Variants in FBXO36 observed in about 807,000 individuals in gnomAD.
FBXO36 encodes F-box only protein 36.
A neutral mutation model predicts 17.0 loss-of-function variants in FBXO36; 18 were observed. That is an observed-to-expected ratio of 1.06 (90% CI 0.73 to 1.57). The LOEUF (loss-of-function observed/expected upper bound fraction) is 1.57, where lower values mean the gene tolerates loss of function less well. Among genes scored for constraint, FBXO36 ranks in the 40% most tolerant of loss-of-function variants. The probability of loss-of-function intolerance (pLI) is 0.00; values close to 1 mark genes in which losing one functional copy is unlikely to be tolerated. For synonymous variants in FBXO36, 83 were observed against 85.3 expected, an observed-to-expected ratio of 0.97 and a Z score of 0.15; for missense variants, 229 against 221.9, an observed-to-expected ratio of 1.03 and a Z score of -0.20.
intron 2 of FBXO36, among the ~76,000 whole-genome samples, chr2:229,982,010 G>A (rs1345433608): frequency 6.6e-6 from 1 of 151,404 alleles, no homozygotes; most frequent in Non-Finnish European, 1.5e-5. Context: ...ACACACTTGA[G>A]TTTTTTGTTT....
chr2:229,991,334 A>G (rs2077296839), intron 2 of FBXO36, among the ~76,000 whole-genome samples: 2 of 152,142 alleles, frequency 1.3e-5, no homozygotes, highest in Non-Finnish European at 2.9e-5. Context: ...TCAAATTCAT[A>G]TGTCAAACCC....
intron 1 of FBXO36, among the ~76,000 whole-genome samples, chr2:229,926,249 G>A (rs1045821553): frequency 3.3e-5 from 5 of 151,910 alleles, no homozygotes; most frequent in Admixed American, 6.6e-5. Flanking sequence ...GGCCAACATG[G>A]CAAAACCCCA....
chr2:229,948,102 C>T (rs375036408), intron 1 of FBXO36, among the ~76,000 whole-genome samples: 14 of 150,704 alleles, frequency 9.3e-5, no homozygotes, highest in East Asian at 7.8e-4. Context: ...GTTCAAGAGC[C>T]GCCTAAGTAA....
In FBXO36 at chr2:229,926,515, G is replaced by A. The variant is rs115037719; in HGVS notation, c.96+3906G>A. On this transcript the variant is annotated intron_variant, in intron 1 of 3. Coordinates refer to ENST00000283946, the MANE Select transcript of FBXO36 (RefSeq NM_174899.5). ...AATTCCAGCATTTTGGGAGCCTGAC[G>A]GGTGGATCACTTGAGGTCAGGAATT... Among the ~76,000 whole-genome samples the A allele has an allele frequency of 6.6e-3, 1,001 of 150,894 alleles. 12 individuals are homozygous for A. The highest frequency in any genetic ancestry group is 0.023 in the African/African-American group (953 of 41,112).
intron 1 of FBXO36, chr2:229,937,822 G>A (rs1012326859): frequency 1.3e-5 from 2 of 152,130 alleles, no homozygotes; most frequent in Non-Finnish European, 2.9e-5. Context: ...TTCTTGCTCA[G>A]GGGCCATGCT....
At chr2:229,944,411 A>T (rs1230047385) in intron 1 of FBXO36, among the ~76,000 whole-genome samples, 2 of 152,212 alleles carry the variant, frequency 1.3e-5, no homozygotes, top group East Asian at 1.9e-4. Flanking sequence ...AATAAATATT[A>T]CGGCATTCCA....
At chr2:230,003,462 G>A (rs187450000) in intron 3 of FBXO36, among the ~76,000 whole-genome samples, 3 of 151,824 alleles carry the variant, frequency 2.0e-5, no homozygotes, top group Non-Finnish European at 4.4e-5. Context: ...GTCCATGCCT[G>A]CAAAATATCT....
intron 1 of FBXO36, among the ~76,000 whole-genome samples, chr2:229,938,213 TTTC>T (rs2076975870): frequency 1.6e-5 from 2 of 123,942 alleles, no homozygotes; most frequent in African/African-American, 6.4e-5. Context: ...TAGATACAAC[TTTC>T]TTTTTTTTTT....
At chr2:229,960,919 G>A (rs1448360273) in intron 1 of FBXO36, among the ~76,000 whole-genome samples, 2 of 152,092 alleles carry the variant, frequency 1.3e-5, no homozygotes, top group Admixed American at 1.3e-4. Context: ...GACCAGCCTG[G>A]CCAACATGAT....
intron 1 of FBXO36, among the ~76,000 whole-genome samples, chr2:229,954,201 T>G (rs186985780): frequency 1.3e-4 from 19 of 148,232 alleles, no homozygotes; most frequent in Admixed American, 7.7e-4. Context: ...AATAGGTAAA[T>G]GAATGATGCA....
intron 1 of FBXO36, among the ~76,000 whole-genome samples, chr2:229,969,725 G>A (rs780735301): frequency 7.9e-5 from 12 of 152,072 alleles, no homozygotes; most frequent in Non-Finnish European, 1.6e-4. Context: ...TGATAAATTG[G>A]ACTTTGTCAA....
Position 229,958,075 on chromosome 2 carries a change from A to G in FBXO36, c.97-18166A>G, listed in dbSNP as rs150196830. ...ACCTTCTTAGTCACTTTGCCTGCCC[A>G]TATCTGGGAAGGTTTTGGAAACAGG... On this transcript the variant is annotated intron_variant, in intron 1 of 3. Transcript: ENST00000283946. Among the ~76,000 whole-genome samples the G allele has an allele frequency of 2.2e-3, 331 of 152,134 alleles. 1 individual carries two copies. The highest frequency in any genetic ancestry group is 0.01 in the Middle Eastern group (3 of 294).
intron 2 of FBXO36, among the ~76,000 whole-genome samples, chr2:229,995,669 C>T (rs1418785116): frequency 4.0e-5 from 6 of 148,196 alleles, no homozygotes; most frequent in South Asian, 4.3e-4. Context: ...CTCAGCTCAC[C>T]GCAACCTCCG....
chr2:229,980,357 C>A (rs2077232210), intron 2 of FBXO36, among the ~76,000 whole-genome samples: 1 of 148,742 alleles, frequency 6.7e-6, no homozygotes, highest in Admixed American at 6.7e-5. Context: ...CCACGGCGCC[C>A]TGCCTCCATT....
At chr2:229,950,915 C>T (rs190154139) in intron 1 of FBXO36, among the ~76,000 whole-genome samples, 2 of 151,894 alleles carry the variant, frequency 1.3e-5, no homozygotes, top group Non-Finnish European at 2.9e-5. Context: ...CGCCATTATG[C>T]CCCACTAATT....
At chr2:230,003,759 C>T (rs954141194) in intron 3 of FBXO36, among the ~76,000 whole-genome samples, 1 of 152,208 alleles carries the variant, frequency 6.6e-6, no homozygotes, top group Admixed American at 6.5e-5. Flanking sequence ...GTCTTGAACT[C>T]TTGAACTCAG....
At chr2:229,979,820 G>A (rs894055878) in intron 2 of FBXO36, among the ~76,000 whole-genome samples, 4 of 151,710 alleles carry the variant, frequency 2.6e-5, no homozygotes, top group African/African-American at 7.3e-5. Context: ...TTCATTGTTG[G>A]CTTAAGAACA....
chr2:229,989,890 T>C (rs2106205449), intron 2 of FBXO36, among the ~76,000 whole-genome samples: 1 of 152,236 alleles, frequency 6.6e-6, no homozygotes. Flanking sequence ...TATTTTTATA[T>C]TTTCCTTGTT....
At chr2:229,980,577 C>T (rs1410883584) in intron 2 of FBXO36, among the ~76,000 whole-genome samples, 1 of 152,046 alleles carries the variant, frequency 6.6e-6, no homozygotes, top group Admixed American at 6.6e-5. Flanking sequence ...CTCCAGGCAC[C>T]TTCCAAGCCC....
Sources: gnomAD v4.1 joint callset for allele counts (sites outside exome capture counted in the v4.1 genomes callset) on GRCh38, gnomAD v4.1.1 for gene constraint, MANE v1.5 for transcripts, NCBI Gene and HGNC (gene_info 2026-07-23, HGNC 2026-07-21) for gene names.